LRRC2: variants seen among roughly 807,000 people sequenced by gnomAD.
LRRC2 encodes the protein leucine-rich repeat-containing protein 2.
A neutral mutation model predicts 40.2 loss-of-function variants in LRRC2; 27 were observed. The ratio of observed to expected loss-of-function variants is 0.67; its 90% confidence interval spans 0.49 to 0.93. The LOEUF is 0.93. LRRC2 is among the 40% of genes least tolerant of loss of function. The probability of loss-of-function intolerance (pLI) is 0.00; values close to 1 mark genes in which losing one functional copy is unlikely to be tolerated. For missense variants in LRRC2, 402 were observed against 439.6 expected (o/e 0.91, Z 0.76); for synonymous variants, 147 against 158.9 (o/e 0.92, Z 0.56).
At chr3:46,547,140 C>G (rs1229581728) in intron 2 of LRRC2, among the ~76,000 whole-genome samples, 1 of 152,138 alleles carries the variant, frequency 6.6e-6, no homozygotes, top group Non-Finnish European at 1.5e-5. Flanking sequence ...CAAATGTCAC[C>G]TTCTTAATCA....
rs536851858 is a variant in LRRC2, at chr3:46,538,959, C to T, written c.490+86G>A. ...TCCTGGGGAAGCTGGAGAGGAAACACGGTGTCTGCACAGTGTCTGTCACCT... is the reference window on the plus strand; with the variant it reads ...TCCTGGGGAAGCTGGAGAGGAAACATGGTGTCTGCACAGTGTCTGTCACCT... On this transcript the variant is annotated intron_variant, in intron 4 of 8. Coordinates refer to ENST00000395905, the MANE Select transcript of LRRC2 (RefSeq NM_024512.5). 983 of 1,387,306 alleles carry T rather than the reference C, an allele frequency of 7.1e-4. 5 individuals carry two copies. Among genetic ancestry groups the T allele is most frequent in the South Asian group, 2.4e-3 (171 of 71,882 alleles). 85.9% of individuals were successfully genotyped at this position (1,387,306 alleles called of 1,614,324 possible). A position where few individuals can be genotyped will look rare whatever the true frequency, so the allele number is the denominator to read the frequency against.
At chr3:46,554,209 G>A (rs1312216603) in intron 1 of LRRC2, among the ~76,000 whole-genome samples, 2 of 151,890 alleles carry the variant, frequency 1.3e-5, no homozygotes, top group East Asian at 3.9e-4. Flanking sequence ...TTGTAGAGAT[G>A]GTGGTCCCAC....
At chr3:46,558,355 G>T (rs535527823) in intron 1 of LRRC2, 1 of 152,336 alleles carries the variant, frequency 6.6e-6, no homozygotes, top group African/African-American at 2.4e-5. Context: ...AACTGACACC[G>T]TGGGTAACCA....
Position 46,529,879 on chromosome 3 carries a change from C to T in LRRC2, c.773+26G>A, listed in dbSNP as rs774346845. ...GAAGCGTTAGTAACTAATACATACA[C>T]CTCACCTTAGAATGCAAGTAGCTAC... is the stretch of plus-strand genomic sequence containing the variant. On this transcript the variant is annotated intron_variant, in intron 6 of 8. Transcript: ENST00000395905. 1.3e-5 allele frequency: 21 copies of T among 1,613,410 alleles called. 1 individual carries two copies. In the South Asian group the frequency reaches 2.3e-4, roughly 18 times the overall value.
chr3:46,535,878 T>G (rs1704260690), intron 4 of LRRC2, among the ~76,000 whole-genome samples: 1 of 152,184 alleles, frequency 6.6e-6, no homozygotes, highest in Non-Finnish European at 1.5e-5. Flanking sequence ...TTTCTATGTA[T>G]TATCTATTTA....
At chr3:46,544,207 A>G (rs1363984509) in intron 3 of LRRC2, among the ~76,000 whole-genome samples, 1 of 152,140 alleles carries the variant, frequency 6.6e-6, no homozygotes, top group East Asian at 1.9e-4. Flanking sequence ...GCAACCTGGC[A>G]AAACCCCGCC....
chr3:46,522,200 C>T (rs1001666082), intron 7 of LRRC2, among the ~76,000 whole-genome samples: 1 of 151,738 alleles, frequency 6.6e-6, no homozygotes, highest in Non-Finnish European at 1.5e-5. Context: ...CATGGTGAAA[C>T]CCTGTCTCTA....
At chr3:46,553,119 CTCT>C (rs1299362829) in intron 1 of LRRC2, among the ~76,000 whole-genome samples, 5 of 151,228 alleles carry the variant, frequency 3.3e-5, no homozygotes, top group African/African-American at 9.7e-5. Flanking sequence ...TAAATGAGCT[CTCT>C]TCTTTTTTAT....
At chr3:46,535,827 T>A (rs747070909) in intron 4 of LRRC2, among the ~76,000 whole-genome samples, 2 of 152,172 alleles carry the variant, frequency 1.3e-5, no homozygotes, top group Non-Finnish European at 2.9e-5. Context: ...ATAATAATAA[T>A]AATGGCTAGT....
chr3:46,533,726 CTTCCTTCCTTCCTTCCTTCCTTCT>C lies in LRRC2; in HGVS notation c.491-841_491-818del, dbSNP rs1187449701. Among the ~76,000 whole-genome samples the C allele has an allele frequency of 1.9e-4, 27 of 142,840 alleles. 1 individual carries two copies. Among genetic ancestry groups the C allele is most frequent in the Admixed American group, 1.6e-3 (24 of 14,602 alleles). The allele number at this position is 142,840 out of a possible 152,430, so 93.7% of individuals were successfully genotyped here. A position where few individuals can be genotyped will look rare whatever the true frequency, so the allele number is the denominator to read the frequency against. ...GTTTCCTTCCTTCCTTCCTTCCTTC[CTTCCTTCCTTCCTTCCTTCCTTCT>C]TCCTTCCCTCCCTCCCTCCCTCTCT... On this transcript the variant is annotated intron_variant, in intron 4 of 8. Transcript: ENST00000395905.
chr3:46,530,687 G>T (rs895302087), intron 5 of LRRC2, among the ~76,000 whole-genome samples: 5 of 152,182 alleles, frequency 3.3e-5, no homozygotes, highest in African/African-American at 7.2e-5. Flanking sequence ...CATGGCAGCA[G>T]GCAAAAAGAG....
chr3:46,520,074 AT>A (rs1420112854), intron 8 of LRRC2, among the ~76,000 whole-genome samples: 2 of 150,624 alleles, frequency 1.3e-5, no homozygotes, highest in African/African-American at 4.9e-5. Flanking sequence ...TCTAAAGTTA[AT>A]TTTTAAAAGC....
intron 4 of LRRC2, among the ~76,000 whole-genome samples, chr3:46,536,523 C>G (rs1704272277): frequency 6.6e-6 from 1 of 152,120 alleles, no homozygotes; most frequent in South Asian, 2.1e-4. Flanking sequence ...CCACGGATAC[C>G]CCTCACCCAC....
chr3:46,554,009 GTTGTTGTTTTT>G (rs1021138407), intron 1 of LRRC2, among the ~76,000 whole-genome samples: 4 of 151,272 alleles, frequency 2.6e-5, no homozygotes, highest in South Asian at 2.1e-4. Flanking sequence ...ATTGGTTGTT[GTTGTTGTTTTT>G]TTGTTGTTTT....
At chr3:46,519,385 T>C (rs1227921591) in intron 8 of LRRC2, among the ~76,000 whole-genome samples, 6 of 152,160 alleles carry the variant, frequency 3.9e-5, no homozygotes, top group African/African-American at 1.2e-4. Flanking sequence ...GTTGACAAAA[T>C]AGAAATAGAT....
At chr3:46,539,256 C>T (rs535862381) in intron 3 of LRRC2, 55 bp from the exon 4 acceptor site, 22 of 1,521,242 alleles carry the variant, frequency 1.4e-5, no homozygotes, top group Non-Finnish European at 1.9e-5. Flanking sequence ...TGCACAAAGC[C>T]GTGTAAAACC....
chr3:46,523,326 A>G (rs1254239099), intron 7 of LRRC2, among the ~76,000 whole-genome samples: 2 of 152,126 alleles, frequency 1.3e-5, no homozygotes, highest in East Asian at 3.9e-4. Flanking sequence ...CCTCCCTTTA[A>G]TTACTCTTCA....
At chr3:46,554,667 G>T (rs1296743430) in intron 1 of LRRC2, among the ~76,000 whole-genome samples, 2 of 150,816 alleles carry the variant, frequency 1.3e-5, no homozygotes, top group Non-Finnish European at 3.0e-5. Flanking sequence ...AGAAGAAGAA[G>T]AATTGTTTTA....
At chr3:46,528,130 C>T (rs950010346) in intron 6 of LRRC2, among the ~76,000 whole-genome samples, 1 of 152,142 alleles carries the variant, frequency 6.6e-6, no homozygotes, top group Non-Finnish European at 1.5e-5. Context: ...GCGGGATAAG[C>T]ATACTGCACA....
Sources: gnomAD v4.1 joint callset for allele counts (sites outside exome capture counted in the v4.1 genomes callset) on GRCh38, gnomAD v4.1.1 for gene constraint, MANE v1.5 for transcripts, NCBI Gene and HGNC (gene_info 2026-07-23, HGNC 2026-07-21) for gene names.